Variants in NRXN1 observed in about 807,000 individuals in gnomAD.
NRXN1 encodes neurexin-1.
In NRXN1, 39 loss-of-function variants were observed where a neutral mutation model predicts 150.9. The observed-to-expected ratio is 0.26, with a 90% CI of 0.20 to 0.34. NRXN1 has a LOEUF of 0.34. Among genes scored for constraint, NRXN1 ranks in the 10% least tolerant of loss-of-function variants. The pLI, the probability that NRXN1 is intolerant of heterozygous loss-of-function variation, is 1.00. For missense variants in NRXN1, 1,815 were observed against 1,949.9 expected, an observed-to-expected ratio of 0.93 and a Z score of 1.30; for synonymous variants, 924 against 757.0, an observed-to-expected ratio of 1.22 and a Z score of -3.62.
At chr2:50,527,049 T>G (rs143924262) in intron 12 of NRXN1, among the ~76,000 whole-genome samples, 1 of 152,222 alleles carries the variant, frequency 6.6e-6, no homozygotes, top group African/African-American at 2.4e-5. Context: ...ATAATTTTCA[T>G]TAATTGCTAT....
Position 50,346,659 on chromosome 2 carries a change from T to A in NRXN1, c.3365-109689A>T. 6.2e-7 allele frequency: 1 copy of A among 1,609,878 alleles called. No individual in the cohort carries two copies. Among genetic ancestry groups the A allele is most frequent in the Non-Finnish European group, 8.5e-7 (1 of 1,176,986 alleles). ...GGGTAGAAAGAGGGGAGCGAGGGGA[T>A]AACCCGCGAGAACTTGGCATCGCAG... On this transcript the variant is annotated intron_variant, in intron 17 of 22. Transcript: ENST00000401669. This position sits in a 1 kb window ranked among gnomAD's most constrained non-coding sequence, Gnocchi z 5.0.
chr2:50,522,851 C>G (rs1298463821), intron 12 of NRXN1, among the ~76,000 whole-genome samples: 1 of 150,484 alleles, frequency 6.6e-6, no homozygotes, highest in Non-Finnish European at 1.5e-5. Flanking sequence ...CCTGCCTCAG[C>G]CTCCCAAGTA....
intron 18 of NRXN1, among the ~76,000 whole-genome samples, chr2:50,193,178 T>C (rs2061552102): frequency 6.6e-6 from 1 of 152,194 alleles, no homozygotes. Context: ...AATAATTCCA[T>C]TTTTGATGAT....
At chr2:49,974,422 A>C (rs1678580968) in intron 21 of NRXN1, among the ~76,000 whole-genome samples, 1 of 152,104 alleles carries the variant, frequency 6.6e-6, no homozygotes, top group South Asian at 2.1e-4. Context: ...AAAAAGGCTT[A>C]TTTTCATGCA....
At chr2:50,610,634 A>AATAGATACATAT in intron 8 of NRXN1, among the ~76,000 whole-genome samples, 1 of 41,964 alleles carries the variant, frequency 2.4e-5, no homozygotes, top group South Asian at 1.0e-3. Flanking sequence ...ACATACTATA[A>AATAGATACATAT]ATAGATACAT....
intron 21 of NRXN1, among the ~76,000 whole-genome samples, chr2:49,987,307 C>T (rs1681093838): frequency 6.6e-6 from 1 of 152,146 alleles, no homozygotes; most frequent in South Asian, 2.1e-4. Context: ...TTTGACCTCA[C>T]TGAAAAGGTC....
At chr2:50,844,404 T>G (rs566646029) in intron 5 of NRXN1, among the ~76,000 whole-genome samples, 1 of 152,330 alleles carries the variant, frequency 6.6e-6, no homozygotes, top group South Asian at 2.1e-4. Flanking sequence ...GGTGACCTTC[T>G]AGGTGCATGA....
At chr2:50,441,739 C>T (rs986716120) in intron 17 of NRXN1, among the ~76,000 whole-genome samples, 6 of 149,416 alleles carry the variant, frequency 4.0e-5, no homozygotes, top group East Asian at 4.1e-4. Context: ...AGACATAAAA[C>T]AGCTTGATAT....
At chr2:50,375,006 A>G (rs530168013) in intron 17 of NRXN1, among the ~76,000 whole-genome samples, 36 of 152,304 alleles carry the variant, frequency 2.4e-4, no homozygotes, top group Admixed American at 1.8e-3. Flanking sequence ...TTCTTTGAAG[A>G]GGTGGCTGTT....
chr2:50,164,918 G>C (rs1339289245), intron 18 of NRXN1, among the ~76,000 whole-genome samples: 1 of 152,156 alleles, frequency 6.6e-6, no homozygotes, highest in Non-Finnish European at 1.5e-5. Flanking sequence ...GTGGAGTGAA[G>C]CAAAGAACTT....
intron 15 of NRXN1, among the ~76,000 whole-genome samples, chr2:50,493,855 C>A (rs1264142923): frequency 6.6e-6 from 1 of 152,186 alleles, no homozygotes; most frequent in African/African-American, 2.4e-5. Flanking sequence ...TAAAAAAACA[C>A]AAGTACACTG....
At chr2:50,123,805 G>T (rs1704195601) in intron 18 of NRXN1, among the ~76,000 whole-genome samples, 1 of 152,132 alleles carries the variant, frequency 6.6e-6, no homozygotes, top group Admixed American at 6.5e-5. Context: ...TTTGGAAAAG[G>T]CAACAGGCAG....
intron 5 of NRXN1, among the ~76,000 whole-genome samples, chr2:50,900,265 C>T (rs1682715091): frequency 6.6e-6 from 1 of 152,132 alleles, no homozygotes; most frequent in Non-Finnish European, 1.5e-5. Context: ...CATAATAGAT[C>T]CCAATCCTTT....
Position 50,377,015 on chromosome 2 carries a change from ATC to A in NRXN1, c.3364+88425_3364+88426del, listed in dbSNP as rs2080559049. ...TCCTTTATTATTAGTGAGATTGAAC[ATC>A]TTTTCACGTCATTATTGACCATTTT... is the stretch of plus-strand genomic sequence containing the variant. On this transcript the variant is annotated intron_variant, in intron 17 of 22. Transcript: ENST00000401669. Among the ~76,000 whole-genome samples the A allele has an allele frequency of 2.0e-5, 3 of 150,140 alleles. No homozygotes were observed. The South Asian group carries it at 6.3e-4, about 32-fold the overall frequency.
chr2:50,878,888 A>C (rs13027132), intron 5 of NRXN1, among the ~76,000 whole-genome samples: 23,558 of 151,992 alleles, frequency 0.15, 2,435 homozygotes, highest in Non-Finnish European at 0.23. Context: ...GCACTTTAAC[A>C]GTACTATTAA....
chr2:50,359,273 A>G (rs1239072225), intron 17 of NRXN1, among the ~76,000 whole-genome samples: 1 of 152,022 alleles, frequency 6.6e-6, no homozygotes, highest in African/African-American at 2.4e-5. Context: ...GAATTGACAG[A>G]AGTAGGCTTC....
intron 18 of NRXN1, among the ~76,000 whole-genome samples, chr2:50,142,076 G>T (rs1215566582): frequency 6.6e-6 from 1 of 151,990 alleles, no homozygotes; most frequent in Admixed American, 6.6e-5. Context: ...ACAGGTAAAT[G>T]GATAAAGAAG....
intron 5 of NRXN1, among the ~76,000 whole-genome samples, chr2:50,668,586 A>G (rs1372056263): frequency 6.6e-6 from 1 of 152,020 alleles, no homozygotes; most frequent in African/African-American, 2.4e-5. Flanking sequence ...TTGTGCTGTG[A>G]TATCAATATT....
intron 5 of NRXN1, among the ~76,000 whole-genome samples, chr2:50,908,687 T>C (rs191924153): frequency 3.3e-5 from 5 of 152,142 alleles, no homozygotes; most frequent in Admixed American, 1.3e-4. Flanking sequence ...TTGAATGTGT[T>C]CCCCAAATTT....
Sources: allele counts gnomAD v4.1 joint callset (sites outside exome capture counted in the v4.1 genomes callset), GRCh38; gene constraint gnomAD v4.1.1; non-coding constraint Gnocchi (gnomAD v3.1); transcripts MANE v1.5; gene names NCBI Gene and HGNC (gene_info 2026-07-23, HGNC 2026-07-21).